Variants in MYH14 observed in about 807,000 individuals in gnomAD.
The protein encoded by MYH14 is myosin heavy chain 14.
In MYH14, 123 loss-of-function variants were observed where a neutral mutation model predicts 255.5. The ratio of observed to expected loss-of-function variants is 0.48; its 90% CI spans 0.42 to 0.56. The LOEUF (loss-of-function observed/expected upper bound fraction) is 0.56. Ranked by LOEUF, MYH14 falls within the 20% of genes least tolerant of loss-of-function variation. The pLI is 0.00. For synonymous variants in MYH14, 1,095 were observed against 1,161.2 expected, an observed-to-expected ratio of 0.94 and a Z score of 1.16; for missense variants, 2,423 against 2,802.3, an observed-to-expected ratio of 0.86 and a Z score of 3.06.
intron 7 of MYH14, 112 bp from the exon 8 acceptor site, chr19:50,226,791 G>T (rs981283810): frequency 8.7e-5 from 44 of 504,130 alleles, no homozygotes; most frequent in African/African-American, 3.4e-4. Context: ...GCAAGGAAGT[G>T]GGGGGGCAGC....
At chr19:50,261,866 G>A (rs959875669) in intron 21 of MYH14, among the ~76,000 whole-genome samples, 7 of 152,108 alleles carry the variant, frequency 4.6e-5, no homozygotes, top group South Asian at 2.1e-4. Context: ...GGACTTAGCC[G>A]CAGGGTGACC....
At position 50,309,501 on chromosome 19, in the gene MYH14, A is replaced by G; in HGVS notation, c.5961-139A>G. ...GTCTCCCTCCATTTCTCTTGATCTC[A>G]TCCCTCTCTTCCCCCTTATTTTGTT... On this transcript the variant is annotated intron_variant, in intron 42 of 42. Coordinates refer to ENST00000642316, the MANE Select transcript of MYH14 (RefSeq NM_001145809.2). The G allele has an allele frequency of 1.5e-5, 9 of 617,792 alleles. No homozygotes were observed. In the South Asian group the frequency reaches 1.8e-4, roughly 12 times the overall value. The allele number at this position is 617,792 out of a possible 1,614,324, so 38.3% of individuals were successfully genotyped here. A position where few individuals can be genotyped will look rare whatever the true frequency, so the allele number is the denominator to read the frequency against.
At chr19:50,262,537 CAA>C (rs57145637) in intron 21 of MYH14, among the ~76,000 whole-genome samples, 53 of 113,494 alleles carry the variant, frequency 4.7e-4, no homozygotes, top group African/African-American at 4.7e-4. Flanking sequence ...GACTCTGTAT[CAA>C]AAAAAAAAAA....
intron 39 of MYH14, among the ~76,000 whole-genome samples, chr19:50,296,551 G>A (rs1322780151): frequency 6.6e-6 from 1 of 152,170 alleles, no homozygotes; most frequent in Admixed American, 6.5e-5. Flanking sequence ...AGGTTGTAGT[G>A]AGCCAGAATT....
chr19:50,257,805 G>A (rs1055001969), intron 18 of MYH14, among the ~76,000 whole-genome samples: 4 of 152,164 alleles, frequency 2.6e-5, no homozygotes, highest in African/African-American at 4.8e-5. Context: ...CAAAATGAAC[G>A]TCCAGTTAAA....
At chr19:50,223,189 T>A in intron 4 of MYH14, 58 bp from the exon 5 acceptor site, 1 of 1,603,432 alleles carries the variant, frequency 6.2e-7, no homozygotes, top group Non-Finnish European at 8.5e-7. Flanking sequence ...GCAGGGCAGG[T>A]GGGGAGCTTG....
chr19:50,214,429 T>G (rs1328020648), intron 2 of MYH14, among the ~76,000 whole-genome samples: 1 of 152,146 alleles, frequency 6.6e-6, no homozygotes, highest in African/African-American at 2.4e-5. Context: ...ATAGGCTGTT[T>G]GGCTTTGAGT....
chr19:50,262,355 C>T (rs536089473), intron 21 of MYH14, among the ~76,000 whole-genome samples: 5 of 151,786 alleles, frequency 3.3e-5, no homozygotes, highest in East Asian at 1.9e-4. Context: ...GTCAGGAGTT[C>T]GAGACAAGCC....
intron 5 of MYH14, 115 bp from the exon 6 acceptor site, chr19:50,224,039 T>TTC: frequency 2.4e-6 from 1 of 415,106 alleles, no homozygotes; most frequent in Non-Finnish European, 4.3e-6. Context: ...GTTTCCCCAG[T>TTC]CCCCCTTCCC....
chr19:50,214,811 G>A (rs1266370854), intron 2 of MYH14, among the ~76,000 whole-genome samples: 1 of 152,060 alleles, frequency 6.6e-6, no homozygotes, highest in African/African-American at 2.4e-5. Context: ...TTCCGAGTTA[G>A]CCTAGGGCTC....
Position 50,276,132 on chromosome 19 carries a change from C to T in MYH14, c.3609C>T (p.Gly1203=), listed in dbSNP as rs200188959. 117 of 1,589,930 alleles carry T rather than the reference C, an allele frequency of 7.4e-5. 3 individuals carry two copies. In the African/African-American group the frequency reaches 8.2e-4, roughly 11 times the overall value. The part of the protein sequence containing the change: ...TKAEKQRRDL[G]EELEALRGEL... ...CGGAGAAGCAGCGCCGGGACCTGGG[C>T]GAGGAGCTGGAGGCGCTGCGGGGCG... The change falls in exon 28 of 43, where the codon GGC becomes GGT. Residue 1203 remains glycine, a synonymous_variant. Coordinates refer to ENST00000642316, the MANE Select transcript of MYH14 (RefSeq NM_001145809.2). The surrounding 1 kb of genome is among the most constrained non-coding windows in gnomAD (Gnocchi z 4.3).
intron 39 of MYH14, among the ~76,000 whole-genome samples, chr19:50,295,242 A>G (rs567277873): frequency 1.0e-3 from 152 of 151,826 alleles, no homozygotes; most frequent in South Asian, 4.8e-3. Flanking sequence ...GGAGAATGGC[A>G]TGAACCCGGG....
chr19:50,282,327 G>T (rs896603902), intron 33 of MYH14, among the ~76,000 whole-genome samples: 1 of 152,216 alleles, frequency 6.6e-6, no homozygotes, highest in Non-Finnish European at 1.5e-5. Context: ...CTGAGGTTCA[G>T]ATCCCAATTC....
chr19:50,296,800 G>A (rs1338874066), intron 39 of MYH14, among the ~76,000 whole-genome samples: 1 of 152,238 alleles, frequency 6.6e-6, no homozygotes, highest in African/African-American at 2.4e-5. Context: ...CCAAAGTGGG[G>A]CAAGTTGAGC....
intron 8 of MYH14, among the ~76,000 whole-genome samples, chr19:50,229,112 TC>T (rs971945766): frequency 1.3e-5 from 2 of 152,114 alleles, no homozygotes; most frequent in Non-Finnish European, 2.9e-5. Context: ...AGGGCTGTTG[TC>T]CCCCAGGGTT....
At position 50,293,404 on chromosome 19, in the gene MYH14, G is replaced by A; in HGVS notation, c.5345+83G>A. On this transcript the variant is annotated intron_variant, in intron 38 of 42. Transcript: ENST00000642316. This position sits in a 1 kb window ranked among gnomAD's most constrained non-coding sequence, Gnocchi z 4.1. ...GGTAGGCTGGAGGTGGCTGGGCTCT[G>A]GGACAGGAAACTGGGAGGTGGGCGG... 6.6e-7 allele frequency: 1 copy of A among 1,521,326 alleles called. No homozygotes were observed. The highest frequency in any genetic ancestry group is 1.2e-5 in the South Asian group (1 of 84,006). The allele number at this position is 1,521,326 out of a possible 1,614,324, so 94.2% of individuals were successfully genotyped here. A position where few individuals can be genotyped will look rare whatever the true frequency, so the allele number is the denominator to read the frequency against.
chr19:50,276,687 C>G lies in MYH14; in HGVS notation c.3681-70C>G. Reference sequence around the variant, plus strand: ...AAGGAAACATGAAAAGGAGAAACAACCAGCTCCCCCAAAGCCCCTGCCTTC... The same window carrying G: ...AAGGAAACATGAAAAGGAGAAACAAGCAGCTCCCCCAAAGCCCCTGCCTTC... On this transcript the variant is annotated intron_variant, in intron 28 of 42. Coordinates refer to ENST00000642316, the MANE Select transcript of MYH14 (RefSeq NM_001145809.2). The surrounding 1 kb of genome is among the most constrained non-coding windows in gnomAD (Gnocchi z 4.3). 2 of 1,599,064 alleles carry G rather than the reference C, an allele frequency of 1.3e-6. No homozygotes were observed.
At chr19:50,212,219 G>A (rs602020) in intron 2 of MYH14, among the ~76,000 whole-genome samples, 146,287 of 152,266 alleles carry the variant, frequency 0.96, 70,307 homozygotes, top group East Asian at 1. Context: ...AGAACTTTCA[G>A]TCGAGCTCTC....
At position 50,276,946 on chromosome 19, in the gene MYH14, C is replaced by A; in HGVS notation, c.3825+45C>A. On this transcript the variant is annotated intron_variant, in intron 29 of 42. Coordinates refer to ENST00000642316, the MANE Select transcript of MYH14 (RefSeq NM_001145809.2). The surrounding 1 kb of genome is among the most constrained non-coding windows in gnomAD (Gnocchi z 4.3). ...CAGGGCAGGGGGGCCACGGGGAGGG[C>A]AGGGCAGGACGCGGGGTTGGAGGAG... The A allele has an allele frequency of 1.4e-6, 2 of 1,456,270 alleles. No homozygotes were observed. The highest frequency in any genetic ancestry group is 9.4e-7 in the Non-Finnish European group (1 of 1,064,716). The allele number at this position is 1,456,270 out of a possible 1,614,324, so 90.2% of individuals were successfully genotyped here.
Sources: allele counts gnomAD v4.1 joint callset (sites outside exome capture counted in the v4.1 genomes callset), GRCh38; gene constraint gnomAD v4.1.1; non-coding constraint Gnocchi (gnomAD v3.1); transcripts MANE v1.5; gene names NCBI Gene and HGNC (gene_info 2026-07-23, HGNC 2026-07-21).